Variants in TNS3 observed in about 807,000 individuals in gnomAD.
TNS3 encodes tensin-3.
TNS3 carries 45 observed loss-of-function variants against 140.9 expected under a neutral mutation model. The ratio of observed to expected loss-of-function variants is 0.32; its 90% CI spans 0.25 to 0.41. TNS3 has a LOEUF of 0.41. TNS3 is among the 10% of genes least tolerant of loss of function. The probability of loss-of-function intolerance (pLI) is 1.00; values close to 1 mark genes in which losing one functional copy is unlikely to be tolerated. For synonymous variants in TNS3, 815 were observed against 788.4 expected, an observed-to-expected ratio of 1.03 and a Z score of -0.56; for missense variants, 1,716 against 1,906.7, an observed-to-expected ratio of 0.90 and a Z score of 1.86.
Position 47,362,453 on chromosome 7 carries a change from C to T in TNS3, c.2281+5912G>A, listed in dbSNP as rs143268075. On this transcript the variant is annotated intron_variant, in intron 17 of 30. Transcript: ENST00000311160. ...GTCTCAAAAGGATCATTTGCAGTTC[C>T]GCCTGTCCCAGACCCCTGTATTTGC... Among the ~76,000 whole-genome samples, 399 of 152,250 alleles carry T rather than the reference C, an allele frequency of 2.6e-3. 1 individual carries two copies. The highest frequency in any genetic ancestry group is 9.3e-3 in the African/African-American group (385 of 41,522).
At chr7:47,455,848 G>A (rs1442221027) in intron 4 of TNS3, among the ~76,000 whole-genome samples, 1 of 152,194 alleles carries the variant, frequency 6.6e-6, no homozygotes. Context: ...GGGCGCCTGT[G>A]GCAGAGGTGG....
intron 1 of TNS3, among the ~76,000 whole-genome samples, chr7:47,576,600 C>A (rs1275571190): frequency 6.6e-6 from 1 of 152,220 alleles, no homozygotes; most frequent in Non-Finnish European, 1.5e-5. Flanking sequence ...CAGGACCAGG[C>A]CCCTTTGTTT....
intron 1 of TNS3, among the ~76,000 whole-genome samples, chr7:47,562,804 G>A (rs1423884607): frequency 3.3e-5 from 5 of 152,178 alleles, no homozygotes; most frequent in Admixed American, 2.0e-4. Context: ...TCTTAACTAC[G>A]TACAAAACAA....
rs201658284 is a variant in TNS3 at position 47,435,161 on chromosome 7, A to G, written c.324+121T>C. The G allele has an allele frequency of 1.6e-5, 21 of 1,340,164 alleles. No individual in the cohort carries two copies. In the East Asian group the frequency reaches 5.1e-4, roughly 32 times the overall value. 83.0% of individuals were successfully genotyped at this position (1,340,164 alleles called of 1,614,324 possible). A position where few individuals can be genotyped will look rare whatever the true frequency, so the allele number is the denominator to read the frequency against. ...AGTAGGAAAACCTAAAGACAAACCC[A>G]TAAGGAGCACATCGCACCAGCTCAA... is the stretch of plus-strand genomic sequence containing the variant. On this transcript the variant is annotated intron_variant, in intron 8 of 30. Transcript: ENST00000311160.
chr7:47,389,712 G>A (rs750602569), intron 16 of TNS3, among the ~76,000 whole-genome samples: 3 of 152,204 alleles, frequency 2.0e-5, no homozygotes, highest in African/African-American at 7.2e-5. Flanking sequence ...GGAGGAAGCC[G>A]GCGCCCCCAG....
At chr7:47,479,652 G>T (rs778834070) in intron 4 of TNS3, among the ~76,000 whole-genome samples, 14 of 152,218 alleles carry the variant, frequency 9.2e-5, no homozygotes, top group Non-Finnish European at 1.6e-4. Context: ...AATATTTTAG[G>T]TTTCTGGGTG....
chr7:47,332,078 C>T (rs991883597), intron 20 of TNS3, among the ~76,000 whole-genome samples: 1 of 152,232 alleles, frequency 6.6e-6, no homozygotes, highest in African/African-American at 2.4e-5. Context: ...CAATCCCAGA[C>T]CCTCCCAAGT....
chr7:47,310,165 T>C (rs1427340172), intron 20 of TNS3, among the ~76,000 whole-genome samples: 1 of 152,004 alleles, frequency 6.6e-6, no homozygotes, highest in Non-Finnish European at 1.5e-5. Context: ...AGAGACAGAG[T>C]CAACACTCTG....
chr7:47,497,519 T>C (rs988875591), intron 3 of TNS3, among the ~76,000 whole-genome samples: 1 of 152,182 alleles, frequency 6.6e-6, no homozygotes, highest in Non-Finnish European at 1.5e-5. Flanking sequence ...CTGTTATTCA[T>C]TCTTCTCTTT....
intron 16 of TNS3, among the ~76,000 whole-genome samples, chr7:47,379,134 C>T (rs1428909082): frequency 6.6e-6 from 1 of 152,116 alleles, no homozygotes; most frequent in African/African-American, 2.4e-5. Flanking sequence ...CTCACATTTG[C>T]GAGGAGGGGA....
chr7:47,548,251 G>A (rs1468116043), intron 1 of TNS3, among the ~76,000 whole-genome samples: 1 of 152,080 alleles, frequency 6.6e-6, no homozygotes, highest in African/African-American at 2.4e-5. Context: ...AACTTTCCCA[G>A]TGGCATACAG....
chr7:47,363,088 TCA>T (rs1491532989), intron 17 of TNS3, among the ~76,000 whole-genome samples: 8 of 136 alleles, frequency 0.059, no homozygotes, highest in African/African-American at 0.1. Context: ...ACCATCAATA[TCA>T]CAGTCATCAC....
intron 4 of TNS3, among the ~76,000 whole-genome samples, chr7:47,464,188 T>C (rs1584716717): frequency 6.6e-6 from 1 of 152,326 alleles, no homozygotes; most frequent in East Asian, 1.9e-4. Flanking sequence ...TTTCCAGATT[T>C]ATGTTCCCTA....
intron 17 of TNS3, among the ~76,000 whole-genome samples, chr7:47,363,653 C>T (rs930129890): frequency 4.6e-5 from 7 of 152,190 alleles, no homozygotes; most frequent in Non-Finnish European, 7.3e-5. Flanking sequence ...AGATGGAAGG[C>T]AGGCCAGCAA....
At chr7:47,314,366 C>T (rs991484635) in intron 20 of TNS3, among the ~76,000 whole-genome samples, 7 of 152,162 alleles carry the variant, frequency 4.6e-5, no homozygotes, top group East Asian at 3.9e-4. Context: ...AAGAGGAGAG[C>T]GAGGCAGCGG....
chr7:47,413,251 C>CTTTTTTTT (rs71003398), intron 12 of TNS3, among the ~76,000 whole-genome samples: 1 of 52,904 alleles, frequency 1.9e-5, no homozygotes, highest in Non-Finnish European at 3.4e-5. Flanking sequence ...CAAGCCTGGC[C>CTTTTTTTT]TTTTTTTTTT....
chr7:47,297,320 G>T (rs1014838004), intron 23 of TNS3, 107 bp from the exon 24 acceptor site: 1 of 1,357,322 alleles, frequency 7.4e-7, no homozygotes, highest in African/African-American at 1.5e-5. Context: ...TTGCAAACTG[G>T]ATCAGTGGGG....
chr7:47,486,370 CTG>C (rs1393791226), intron 3 of TNS3, among the ~76,000 whole-genome samples: 3 of 151,530 alleles, frequency 2.0e-5, no homozygotes, highest in Non-Finnish European at 4.4e-5. Flanking sequence ...GAGAGCGTGT[CTG>C]TGTGTGTCTC....
rs76441005 is a variant in TNS3, at chr7:47,331,286, T to C, written c.2650+13469A>G. 1.6e-4 allele frequency among the ~76,000 whole-genome samples: 25 copies of C among 152,314 alleles called. No individual in the cohort carries two copies. In the East Asian group the frequency reaches 3.5e-3, roughly 21 times the overall value. The stretch of plus-strand genomic sequence containing the variant: ...CTCCGAGGGACCAGGCACTGCAGAC[T>C]GAGATCCTCAGCTTTATTCGAATGT... On this transcript the variant is annotated intron_variant, in intron 20 of 30. Transcript: ENST00000311160.
Sources: gnomAD v4.1 joint callset for allele counts (sites outside exome capture counted in the v4.1 genomes callset) on GRCh38, gnomAD v4.1.1 for gene constraint, MANE v1.5 for transcripts, NCBI Gene and HGNC (gene_info 2026-07-23, HGNC 2026-07-21) for gene names.